NCKAP5: variants seen among roughly 807,000 people sequenced by gnomAD.
NCKAP5 encodes NCK associated protein 5.
NCKAP5 carries 92 observed loss-of-function variants against 167.0 expected under a neutral mutation model. The ratio of observed to expected loss-of-function variants is 0.55; its 90% confidence interval spans 0.47 to 0.66. The LOEUF is 0.66. Ranked by LOEUF, NCKAP5 falls within the 30% of genes least tolerant of loss-of-function variation. The pLI, the probability that NCKAP5 is intolerant of heterozygous loss-of-function variation, is 0.00. For missense variants in NCKAP5, 2,378 were observed against 2,315.0 expected (o/e 1.03, Z -0.56); for synonymous variants, 891 against 877.4 (o/e 1.02, Z -0.27).
intron 6 of NCKAP5, among the ~76,000 whole-genome samples, chr2:133,087,148 T>C (rs192108708): frequency 6.6e-6 from 1 of 152,282 alleles, no homozygotes; most frequent in African/African-American, 2.4e-5. Flanking sequence ...TGATACCAAG[T>C]TCCATTTGGT....
intron 4 of NCKAP5, among the ~76,000 whole-genome samples, chr2:133,247,447 A>G (rs576298768): frequency 6.6e-6 from 1 of 152,246 alleles, no homozygotes; most frequent in South Asian, 2.1e-4. Flanking sequence ...AACCCCTTCA[A>G]ATTTTACAGC....
chr2:133,657,092 T>G, the NCKAP5 span, among the ~76,000 whole-genome samples: 1 of 152,358 alleles, frequency 6.6e-6, no homozygotes, highest in East Asian at 1.9e-4. Context: ...GGAGATGTCT[T>G]TTATTTCTTA....
rs1404903018 is a variant in NCKAP5, at chr2:132,752,630, T to C, written c.5129-20579A>G. On this transcript the variant is annotated intron_variant, in intron 16 of 19. Coordinates refer to ENST00000409261, the MANE Select transcript of NCKAP5 (RefSeq NM_207363.3). ...ATGACAGCAATTCAACTTCCTCTAG[T>C]TGATATTCTAATTATCCTGTTAAAA... Among the ~76,000 whole-genome samples, 6 of 152,346 alleles carry C rather than the reference T, an allele frequency of 3.9e-5. No individual in the cohort carries two copies. In the East Asian group the frequency reaches 1.2e-3, roughly 29 times the overall value.
At chr2:132,978,890 C>A (rs2077052143) in intron 7 of NCKAP5, among the ~76,000 whole-genome samples, 1 of 152,218 alleles carries the variant, frequency 6.6e-6, no homozygotes, top group East Asian at 1.9e-4. Flanking sequence ...CTCCGTGTCT[C>A]TTTCAACCCA....
chr2:133,338,130 T>G (rs557929206), intron 3 of NCKAP5, among the ~76,000 whole-genome samples: 2 of 152,268 alleles, frequency 1.3e-5, no homozygotes, highest in South Asian at 2.1e-4. Context: ...ATTTTTTTTT[T>G]GTTGAAATCA....
At chr2:133,540,662 A>T (rs1390050911) in intron 2 of NCKAP5, among the ~76,000 whole-genome samples, 1 of 152,154 alleles carries the variant, frequency 6.6e-6, no homozygotes, top group Non-Finnish European at 1.5e-5. Flanking sequence ...AAGGCCAGGC[A>T]CAGTGGCTCA....
intron 5 of NCKAP5, among the ~76,000 whole-genome samples, chr2:133,212,683 T>C (rs1415049102): frequency 1.3e-5 from 2 of 152,166 alleles, no homozygotes; most frequent in African/African-American, 2.4e-5. Flanking sequence ...TGTTTCTTCA[T>C]ACCATTTGAA....
intron 19 of NCKAP5, among the ~76,000 whole-genome samples, chr2:132,721,169 G>A (rs1174047270): frequency 2.0e-5 from 3 of 152,144 alleles, no homozygotes; most frequent in Non-Finnish European, 4.4e-5. Flanking sequence ...TTAGCCAGAC[G>A]TGGCGGTGGG....
the NCKAP5 span, among the ~76,000 whole-genome samples, chr2:133,595,566 G>A: frequency 6.6e-6 from 1 of 151,914 alleles, no homozygotes; most frequent in Non-Finnish European, 1.5e-5. Flanking sequence ...ACAGGCAGGG[G>A]TCTTGGTGGG....
At chr2:132,805,447 C>T (rs1459150436) in intron 11 of NCKAP5, among the ~76,000 whole-genome samples, 2 of 152,070 alleles carry the variant, frequency 1.3e-5, no homozygotes, top group Middle Eastern at 3.2e-3. Context: ...AAAATAATTA[C>T]CTCTAAATAC....
chr2:132,844,997 T>G (rs1017372434), intron 11 of NCKAP5, among the ~76,000 whole-genome samples: 2 of 152,160 alleles, frequency 1.3e-5, no homozygotes, highest in African/African-American at 4.8e-5. Flanking sequence ...CACACTTTTA[T>G]TTATGCCAGT....
the NCKAP5 span, among the ~76,000 whole-genome samples, chr2:133,611,709 C>A: frequency 6.6e-6 from 1 of 152,236 alleles, no homozygotes; most frequent in Non-Finnish European, 1.5e-5. Flanking sequence ...CCTGCAGGCT[C>A]CCACAGGCCA....
intron 19 of NCKAP5, among the ~76,000 whole-genome samples, chr2:132,716,455 G>A (rs111716455): frequency 6.6e-6 from 1 of 152,156 alleles, no homozygotes; most frequent in South Asian, 2.1e-4. Context: ...AATTTGCACA[G>A]CATTAAGTAT....
chr2:133,661,474 A>T, the NCKAP5 span, among the ~76,000 whole-genome samples: 2 of 152,228 alleles, frequency 1.3e-5, no homozygotes, highest in Admixed American at 1.3e-4. Flanking sequence ...AGTAACTGAA[A>T]AAAGTAAAAC....
At chr2:133,579,064 G>T in the NCKAP5 span, among the ~76,000 whole-genome samples, 1 of 152,204 alleles carries the variant, frequency 6.6e-6, no homozygotes, top group Non-Finnish European at 1.5e-5. Flanking sequence ...TAAACATTTG[G>T]ATAGCACTTA....
intron 3 of NCKAP5, among the ~76,000 whole-genome samples, chr2:133,430,837 G>C (rs1690112586): frequency 6.6e-6 from 1 of 151,682 alleles, no homozygotes; most frequent in Non-Finnish European, 1.5e-5. Flanking sequence ...GGGTCCTTAA[G>C]GTGGATTAAA....
intron 6 of NCKAP5, among the ~76,000 whole-genome samples, chr2:133,024,418 G>A (rs529345820): frequency 7.2e-5 from 11 of 152,204 alleles, no homozygotes; most frequent in African/African-American, 2.6e-4. Context: ...TACTCATTAT[G>A]CAATCAAATT....
rs188660618 is a variant in NCKAP5, at chr2:132,675,285, G to C, written c.5714-1980C>G. 2.3e-3 allele frequency among the ~76,000 whole-genome samples: 353 copies of C among 152,306 alleles called. 1 individual carries two copies. The highest frequency in any genetic ancestry group is 6.9e-3 in the African/African-American group (287 of 41,564). ...TTCGATTTCAGCTTGGCCCTTTCAC[G>C]GGCTGAGTGCTACAAGCATCCTTCT... is the stretch of plus-strand genomic sequence containing the variant. On this transcript the variant is annotated intron_variant, in intron 19 of 19. Transcript: ENST00000409261.
At chr2:132,735,308 C>CA (rs1399377640) in intron 16 of NCKAP5, among the ~76,000 whole-genome samples, 2 of 152,140 alleles carry the variant, frequency 1.3e-5, no homozygotes, top group Non-Finnish European at 2.9e-5. Flanking sequence ...GGGTTATATC[C>CA]ATCATTCATG....
Sources: allele counts gnomAD v4.1 joint callset (sites outside exome capture counted in the v4.1 genomes callset), GRCh38; gene constraint gnomAD v4.1.1; transcripts MANE v1.5; gene names NCBI Gene and HGNC (gene_info 2026-07-23, HGNC 2026-07-21).